The following OLA1 variants were observed in gnomAD, a reference collection of about 807,000 sequenced individuals.
OLA1 encodes the protein Obg like ATPase 1, also known as obg-like ATPase 1.
A neutral mutation model predicts 48.4 loss-of-function variants in OLA1; 14 were observed. The ratio of observed to expected loss-of-function variants is 0.29; its 90% CI spans 0.19 to 0.45. The LOEUF (loss-of-function observed/expected upper bound fraction) is 0.45. Among genes scored for constraint, OLA1 ranks in the 20% least tolerant of loss-of-function variants. The pLI, the probability that OLA1 is intolerant of heterozygous loss-of-function variation, is 1.00. For missense variants in OLA1, 325 were observed against 467.1 expected (o/e 0.70, Z 2.80); for synonymous variants, 127 against 150.4 (o/e 0.84, Z 1.14).
intron 2 of OLA1, among the ~76,000 whole-genome samples, chr2:174,231,403 T>G (rs1425082033): frequency 2.0e-5 from 3 of 152,212 alleles, no homozygotes; most frequent in Non-Finnish European, 4.4e-5. Context: ...TATTGCATTT[T>G]CGTATACTGT....
intron 4 of OLA1, among the ~76,000 whole-genome samples, chr2:174,145,765 G>A (rs1418739304): frequency 1.3e-5 from 2 of 152,150 alleles, no homozygotes; most frequent in Non-Finnish European, 2.9e-5. Flanking sequence ...GAGTAATTAT[G>A]TATAAAGTAA....
At chr2:174,211,861 T>C (rs1012843240) in intron 4 of OLA1, among the ~76,000 whole-genome samples, 7 of 152,200 alleles carry the variant, frequency 4.6e-5, no homozygotes, top group African/African-American at 1.7e-4. Context: ...ATATTTTTGG[T>C]TACATTAAAT....
At position 174,223,311 on chromosome 2, in the gene OLA1, A is replaced by C. The variant is rs181631558; in HGVS notation, c.246-151T>G. 6.9e-3 allele frequency: 4,465 copies of C among 647,636 alleles called. 146 individuals carry two copies. The East Asian group carries it at 0.081, about 12-fold the overall frequency. 40.1% of individuals were successfully genotyped at this position (647,636 alleles called of 1,614,324 possible). A position where few individuals can be genotyped will look rare whatever the true frequency, so the allele number is the denominator to read the frequency against. On this transcript the variant is annotated intron_variant, in intron 3 of 10. Transcript: ENST00000284719. The stretch of plus-strand genomic sequence containing the variant: ...TAAATGAATATCCACCCCTCCCCCC[A>C]AAAAAAATTAGAAATGGCCTTGTAA...
At chr2:174,118,243 G>C (rs890753931) in intron 7 of OLA1, among the ~76,000 whole-genome samples, 1 of 152,090 alleles carries the variant, frequency 6.6e-6, no homozygotes, top group Non-Finnish European at 1.5e-5. Flanking sequence ...ATGAGATTCG[G>C]GCAGAGACAA....
intron 7 of OLA1, among the ~76,000 whole-genome samples, chr2:174,082,934 C>T (rs1392052394): frequency 2.0e-5 from 3 of 151,988 alleles, no homozygotes; most frequent in South Asian, 2.1e-4. Flanking sequence ...GGTTACTGAA[C>T]GTTTCTAAGC....
intron 4 of OLA1, among the ~76,000 whole-genome samples, chr2:174,219,066 T>G (rs907612819): frequency 2.0e-5 from 3 of 150,464 alleles, no homozygotes; most frequent in African/African-American, 7.4e-5. Context: ...GCTCAAGTGA[T>G]CTGCGTAGGT....
intron 4 of OLA1, among the ~76,000 whole-genome samples, chr2:174,191,357 T>C (rs1036416576): frequency 2.0e-5 from 3 of 152,314 alleles, no homozygotes; most frequent in Admixed American, 6.5e-5. Context: ...TTCAGAAAAG[T>C]CTTCCTAAAG....
intron 2 of OLA1, among the ~76,000 whole-genome samples, chr2:174,239,797 G>A (rs962116723): frequency 4.0e-5 from 6 of 151,704 alleles, no homozygotes; most frequent in Non-Finnish European, 8.8e-5. Flanking sequence ...AGGTGGCTGA[G>A]GTGGAAGCAT....
chr2:174,218,350 T>G (rs567636473), intron 4 of OLA1, among the ~76,000 whole-genome samples: 2 of 152,274 alleles, frequency 1.3e-5, no homozygotes, highest in African/African-American at 4.8e-5. Flanking sequence ...GTAAAAACAC[T>G]TCTCACAAAG....
chr2:174,244,530 G>C (rs1297884181), intron 2 of OLA1, among the ~76,000 whole-genome samples: 1 of 151,930 alleles, frequency 6.6e-6, no homozygotes, highest in African/African-American at 2.4e-5. Flanking sequence ...TATATACAAT[G>C]GTGTAGTATA....
At chr2:174,168,494 A>T (rs1363956750) in intron 4 of OLA1, among the ~76,000 whole-genome samples, 4 of 152,312 alleles carry the variant, frequency 2.6e-5, no homozygotes, top group East Asian at 1.9e-4. Context: ...AAAATTACCT[A>T]AAAAAATCAA....
intron 8 of OLA1, among the ~76,000 whole-genome samples, chr2:174,081,586 A>T (rs1684855329): frequency 6.6e-6 from 1 of 152,076 alleles, no homozygotes; most frequent in Non-Finnish European, 1.5e-5. Context: ...TATTTAAACA[A>T]TATATTACTG....
chr2:174,075,685 G>A (rs1014654196), intron 10 of OLA1, among the ~76,000 whole-genome samples, 158 bp from the exon 11 acceptor site: 2 of 152,120 alleles, frequency 1.3e-5, no homozygotes, highest in African/African-American at 4.8e-5. Context: ...AACTAGACTT[G>A]GAGAGAAGCA....
intron 10 of OLA1, among the ~76,000 whole-genome samples, chr2:174,075,994 T>C (rs915598827): frequency 1.3e-4 from 20 of 152,232 alleles, no homozygotes; most frequent in Non-Finnish European, 2.4e-4. Context: ...AGGAAAATTA[T>C]GATCAGTTGT....
intron 4 of OLA1, among the ~76,000 whole-genome samples, chr2:174,156,227 A>C (rs898566688): frequency 3.3e-5 from 5 of 152,138 alleles, no homozygotes; most frequent in African/African-American, 9.7e-5. Context: ...ATTTGTCGTG[A>C]AGGGCTGACC....
At chr2:174,183,518 T>C (rs925558219) in intron 4 of OLA1, among the ~76,000 whole-genome samples, 2 of 152,242 alleles carry the variant, frequency 1.3e-5, no homozygotes, top group African/African-American at 4.8e-5. Context: ...CCATGCTATC[T>C]GTTCAGTACT....
chr2:174,220,596 T>G (rs1034723520), intron 4 of OLA1, among the ~76,000 whole-genome samples: 14 of 152,164 alleles, frequency 9.2e-5, no homozygotes, highest in African/African-American at 3.4e-4. Flanking sequence ...AGCACACTTA[T>G]AAGAGTCAAA....
chr2:174,170,637 T>G (rs1687277251), intron 4 of OLA1, among the ~76,000 whole-genome samples: 1 of 152,174 alleles, frequency 6.6e-6, no homozygotes, highest in Non-Finnish European at 1.5e-5. Flanking sequence ...TGGCTCACAC[T>G]AGTAATCCCA....
intron 10 of OLA1, among the ~76,000 whole-genome samples, chr2:174,076,813 G>A (rs967558867): frequency 1.3e-5 from 2 of 151,032 alleles, no homozygotes; most frequent in Non-Finnish European, 3.0e-5. Context: ...ACATATGTGT[G>A]TGTGTATATA....
Sources: gnomAD v4.1 joint callset for allele counts (sites outside exome capture counted in the v4.1 genomes callset) on GRCh38, gnomAD v4.1.1 for gene constraint, MANE v1.5 for transcripts, NCBI Gene and HGNC (gene_info 2026-07-23, HGNC 2026-07-21) for gene names.